The following WDHD1 variants were observed in gnomAD, a reference collection of about 807,000 sequenced individuals.
WDHD1 encodes WD repeat and HMG-box DNA binding protein 1, also known as WD repeat and HMG-box DNA-binding protein 1.
WDHD1 carries 111 observed loss-of-function variants against 135.4 expected under a neutral mutation model. The ratio of observed to expected loss-of-function variants is 0.82; its 90% CI spans 0.70 to 0.96. The LOEUF (loss-of-function observed/expected upper bound fraction) is 0.96, where lower values mean the gene tolerates loss of function less well. Ranked by LOEUF, WDHD1 falls within the 40% of genes least tolerant of loss-of-function variation. The probability of loss-of-function intolerance (pLI) is 0.00; values close to 1 mark genes in which losing one functional copy is unlikely to be tolerated. For missense variants in WDHD1, 1,351 were observed against 1,336.3 expected, an observed-to-expected ratio of 1.01 and a Z score of -0.17; for synonymous variants, 434 against 439.0, an observed-to-expected ratio of 0.99 and a Z score of 0.14.
intron 11 of WDHD1, 105 bp from the exon 12 acceptor site, chr14:54,991,505 C>T (rs148105037): frequency 3.7e-6 from 4 of 1,084,166 alleles, no homozygotes; most frequent in Non-Finnish European, 4.0e-6. Flanking sequence ...TTCAATGACA[C>T]TGACATGCTA....
In WDHD1 at chr14:54,963,177, T is replaced by G; in HGVS notation, c.2311-5A>C. ...TCGCTCCAGTTTACAAGAAAGCTAA[T>G]CCAAAAAGGGGGGGGGGGGGGAGAT... On this transcript the variant is annotated splice_polypyrimidine_tract_variant and splice_region_variant and intron_variant, in intron 18 of 25. Transcript: ENST00000360586. 2.2e-5 allele frequency: 3 copies of G among 136,592 alleles called. No homozygotes were observed. Among genetic ancestry groups the G allele is most frequent in the East Asian group, 1.7e-4 (1 of 5,732 alleles). 8.5% of individuals were successfully genotyped at this position (136,592 alleles called of 1,614,324 possible).
rs2041170630 is a variant in WDHD1 at position 54,957,029 on chromosome 14, A to G, written c.2916+5T>C. On this transcript the variant is annotated splice_donor_5th_base_variant and intron_variant, in intron 23 of 25. Coordinates refer to ENST00000360586, the MANE Select transcript of WDHD1 (RefSeq NM_007086.4). ...TACTGCAGATGAGGGTAGCTGAAAC[A>G]GTACCTGCTTAGGCTTCGGCTTTGG... The G allele has an allele frequency of 1.2e-6, 2 of 1,612,350 alleles. No individual in the cohort carries two copies. The highest frequency in any genetic ancestry group is 2.7e-5 in the African/African-American group (2 of 74,960).
At chr14:55,003,587 C>CTATA (rs140023951) in intron 7 of WDHD1, among the ~76,000 whole-genome samples, 1 of 143,652 alleles carries the variant, frequency 7.0e-6, no homozygotes, top group Non-Finnish European at 1.5e-5. Context: ...GAAAAACGAA[C>CTATA]TATATATATA....
chr14:54,992,922 AAATT>A (rs951261838), intron 11 of WDHD1, among the ~76,000 whole-genome samples: 47 of 152,288 alleles, frequency 3.1e-4, no homozygotes, highest in Admixed American at 1.0e-3. Flanking sequence ...CTAAAAACAA[AAATT>A]AATTAATTAA....
intron 24 of WDHD1, among the ~76,000 whole-genome samples, chr14:54,955,155 GAAT>G (rs1270850519): frequency 6.6e-6 from 1 of 152,130 alleles, no homozygotes; most frequent in Non-Finnish European, 1.5e-5. Flanking sequence ...CACATAAATA[GAAT>G]AATTTTGGAA....
intron 4 of WDHD1, 49 bp from the exon 5 acceptor site, chr14:55,008,768 C>G (rs772107209): frequency 7.6e-7 from 1 of 1,322,282 alleles, no homozygotes; most frequent in Non-Finnish European, 1.1e-6. Context: ...ACACAAAGGC[C>G]TCTCCTAAAA....
At chr14:54,963,997 ACTCAGGAGC>A (rs1288209795) in intron 18 of WDHD1, among the ~76,000 whole-genome samples, 2 of 152,006 alleles carry the variant, frequency 1.3e-5, no homozygotes, top group African/African-American at 4.8e-5. Context: ...AGTCTTATCT[ACTCAGGAGC>A]CTGAGACAGG....
At chr14:55,011,645 GTGTT>G (rs34660987) in intron 3 of WDHD1, among the ~76,000 whole-genome samples, 5,312 of 150,844 alleles carry the variant, frequency 0.035, 334 homozygotes, top group African/African-American at 0.12. Context: ...ATTCGTGTGT[GTGTT>G]TGTGTGTATA....
chr14:54,962,476 C>T lies in WDHD1; in HGVS notation c.2701+22G>A, dbSNP rs758587161. 7 of 1,592,588 alleles carry T rather than the reference C, an allele frequency of 4.4e-6. No homozygotes were observed. In the African/African-American group the frequency reaches 6.7e-5, roughly 15 times the overall value. On this transcript the variant is annotated intron_variant, in intron 21 of 25. Transcript: ENST00000360586. ...GACTTGCAAAATTTCCTTGATATTACAAATTTATAAATATTTCTCACCTGA... is the reference window on the plus strand; with the variant it reads ...GACTTGCAAAATTTCCTTGATATTATAAATTTATAAATATTTCTCACCTGA...
At chr14:54,941,772 GT>G in intron 25 of WDHD1, 82 bp from the exon 26 acceptor site, 1 of 1,239,456 alleles carries the variant, frequency 8.1e-7, no homozygotes, top group Non-Finnish European at 1.1e-6. Context: ...ACTTTTCCAG[GT>G]AATATTTTTA....
At chr14:54,988,983 AAC>A (rs2041740301) in intron 13 of WDHD1, 43 bp downstream of exon 13, 1 of 1,484,712 alleles carries the variant, frequency 6.7e-7, no homozygotes, top group Admixed American at 2.0e-5. Context: ...AACTGTATCT[AAC>A]AGTTCAACAG....
chr14:55,022,755 G>C (rs1399489661), intron 2 of WDHD1, among the ~76,000 whole-genome samples: 1 of 149,242 alleles, frequency 6.7e-6, no homozygotes, highest in Non-Finnish European at 1.5e-5. Context: ...TTTCGTAATG[G>C]TGTCTGGGAA....
chr14:55,008,610 G>T lies in WDHD1; in HGVS notation c.451C>A (p.Leu151Met). Residue 151 changes from leucine to methionine, a missense_variant and splice_region_variant, in exon 5 of 26, where the codon CTG becomes ATG. By Grantham distance (15) the Leu-to-Met change is conservative. Coordinates refer to ENST00000360586, the MANE Select transcript of WDHD1 (RefSeq NM_007086.4). ...AAAGAGAAGGAAAAAATAATTACCAGAAAGATGTCCTTAGGATCAAAGGAA... is the reference window on the plus strand; with the variant it reads ...AAAGAGAAGGAAAAAATAATTACCATAAAGATGTCCTTAGGATCAAAGGAA... ...SLSFDPKDIF[L>M]ASASCDGSVR... 1 of 1,588,528 alleles carries T rather than the reference G, an allele frequency of 6.3e-7. No homozygotes were observed. The highest frequency in any genetic ancestry group is 8.5e-7 in the Non-Finnish European group (1 of 1,172,384).
chr14:54,980,363 T>G (rs1173870871), intron 16 of WDHD1, among the ~76,000 whole-genome samples: 1 of 151,816 alleles, frequency 6.6e-6, no homozygotes, highest in African/African-American at 2.4e-5. Context: ...TTTTTGTATA[T>G]TCACAGAATT....
intron 21 of WDHD1, among the ~76,000 whole-genome samples, chr14:54,961,544 G>A (rs1434125110): frequency 6.6e-6 from 1 of 151,978 alleles, no homozygotes; most frequent in Non-Finnish European, 1.5e-5. Flanking sequence ...CCTTTGCCTT[G>A]CTGACTGTTA....
In WDHD1 at chr14:54,989,125, GGT is replaced by G. The variant is rs777346365; in HGVS notation, c.1427_1428del (p.His476ProfsTer26). The G allele has an allele frequency of 6.2e-7, 1 of 1,613,568 alleles. No homozygotes were observed. The highest frequency in any genetic ancestry group is 8.5e-7 in the Non-Finnish European group (1 of 1,179,706). ...AAAGTGTTTGATAAGTGTGTTGCAT[GGT>G]GTATGGAGGTATCATGGAACTCCAC... ...IDVEFHDTSI[H>X]HATHLSNTLN... On this transcript the variant is annotated frameshift_variant, in exon 13 of 26. Transcript: ENST00000360586. LOFTEE classifies it high-confidence loss of function.
In WDHD1 at chr14:54,953,054, T is replaced by C. The variant is rs143654790; in HGVS notation, c.3050+2507A>G. Among the ~76,000 whole-genome samples, 597 of 152,214 alleles carry C rather than the reference T, an allele frequency of 3.9e-3. 3 individuals carry two copies. The highest frequency in any genetic ancestry group is 6.7e-3 in the Non-Finnish European group (455 of 68,004). ...AAAACCTAGGCAATACCATTCAGGATATAGGAATGTGCAAGGACTTCATGT... is the reference window on the plus strand; with the variant it reads ...AAAACCTAGGCAATACCATTCAGGACATAGGAATGTGCAAGGACTTCATGT... On this transcript the variant is annotated intron_variant, in intron 24 of 25. Coordinates refer to ENST00000360586, the MANE Select transcript of WDHD1 (RefSeq NM_007086.4).
At chr14:54,993,961 C>G (rs1400128378) in intron 11 of WDHD1, among the ~76,000 whole-genome samples, 1 of 152,200 alleles carries the variant, frequency 6.6e-6, no homozygotes, top group African/African-American at 2.4e-5. Context: ...TTGAGGACTG[C>G]TGTTCTATAA....
chr14:55,011,481 G>A (rs557810382), intron 3 of WDHD1, among the ~76,000 whole-genome samples: 6 of 122,872 alleles, frequency 4.9e-5, no homozygotes, highest in South Asian at 2.7e-4. Flanking sequence ...CTGAGACTGC[G>A]CCATTGCACT....
Sources: allele counts gnomAD v4.1 joint callset (sites outside exome capture counted in the v4.1 genomes callset), GRCh38; gene constraint gnomAD v4.1.1; transcripts MANE v1.5; gene names NCBI Gene and HGNC (gene_info 2026-07-23, HGNC 2026-07-21).